ADAT2: variants seen among roughly 807,000 people sequenced by gnomAD.
The protein encoded by ADAT2 is tRNA-specific adenosine-34 deaminase catalytic subunit ADAT2.
Under a neutral mutation model 25.9 loss-of-function variants are expected in ADAT2, and 26 were observed. The ratio of observed to expected loss-of-function variants is 1.00; its 90% CI spans 0.74 to 1.39. The LOEUF is 1.39. ADAT2 is among the 40% of genes most tolerant of loss of function. The pLI is 0.00. For missense variants in ADAT2, 220 were observed against 244.8 expected (o/e 0.90, Z 0.68); for synonymous variants, 76 against 86.8 (o/e 0.88, Z 0.69).
In ADAT2 at chr6:143,434,397, C is replaced by G. The variant is rs1779206324; in HGVS notation, c.202-416G>C. Among the ~76,000 whole-genome samples the G allele has an allele frequency of 6.6e-6, 1 of 152,228 alleles. No homozygotes were observed. The highest frequency in any genetic ancestry group is 2.4e-5 in the African/African-American group (1 of 41,456). ...TTTCAAGGCTGTCACTGACCTCACT[C>G]CAAGCAAATCTACATTAAGTTCACT... On this transcript the variant is annotated intron_variant, in intron 2 of 5. Coordinates refer to ENST00000237283, the MANE Select transcript of ADAT2 (RefSeq NM_182503.3). The surrounding 1 kb of genome is among the most constrained non-coding windows in gnomAD (Gnocchi z 4.5).
intron 2 of ADAT2, among the ~76,000 whole-genome samples, chr6:143,435,699 A>T (rs1226892509): frequency 6.6e-6 from 1 of 152,214 alleles, no homozygotes; most frequent in Non-Finnish European, 1.5e-5. Context: ...TACTTATCTC[A>T]TGTTTTAATA....
In ADAT2 at chr6:143,446,897, A is replaced by G. The variant is rs1779616049; in HGVS notation, c.96+3666T>C. On this transcript the variant is annotated intron_variant, in intron 1 of 5. Transcript: ENST00000237283. This position sits in a 1 kb window ranked among gnomAD's most constrained non-coding sequence, Gnocchi z 5.0. Reference sequence around the variant, plus strand: ...ATGAAAACACTGTGCATAGCATAGTATCTGGAACACACCAAGAGTGCAACA... The same window carrying G: ...ATGAAAACACTGTGCATAGCATAGTGTCTGGAACACACCAAGAGTGCAACA... Among the ~76,000 whole-genome samples, 1 of 152,248 alleles carries G rather than the reference A, an allele frequency of 6.6e-6. No homozygotes were observed. Among genetic ancestry groups the G allele is most frequent in the Non-Finnish European group, 1.5e-5 (1 of 68,036 alleles).
In ADAT2 at chr6:143,436,049, CTG is replaced by C. The variant is rs1311729416; in HGVS notation, c.202-2070_202-2069del. Among the ~76,000 whole-genome samples the C allele has an allele frequency of 1.3e-5, 2 of 152,050 alleles. No homozygotes were observed. Among genetic ancestry groups the C allele is most frequent in the African/African-American group, 4.8e-5 (2 of 41,388 alleles). ...GCACATGTGAGTTAAAATTAAAAGA[CTG>C]TATATATTTGTATATTGTTACATGA... On this transcript the variant is annotated intron_variant, in intron 2 of 5. Transcript: ENST00000237283. This position sits in a 1 kb window ranked among gnomAD's most constrained non-coding sequence, Gnocchi z 4.1.
Position 143,433,974 on chromosome 6 carries a change from C to T in ADAT2, c.209G>A (p.Arg70Gln), listed in dbSNP as rs371702532. Residue 70 changes from arginine (R) to glutamine (Q), a missense_variant, in exon 3 of 6, where the codon CGA (arginine) becomes CAA (glutamine). Transcript: ENST00000237283. Reference sequence around the variant, plus strand: ...ATCGATGGCCACCATTTCTGCATGTCGAGTAGCCTGAAAAGAGAAAGGGGC... The same window carrying T: ...ATCGATGGCCACCATTTCTGCATGTTGAGTAGCCTGAAAAGAGAAAGGGGC... ...NEVNQTKNAT[R>Q]HAEMVAIDQV... is the part of the protein sequence containing the mutation. 4 of 1,613,932 alleles carry T rather than the reference C, an allele frequency of 2.5e-6. No homozygotes were observed. The highest frequency in any genetic ancestry group is 3.3e-5 in the Admixed American group (2 of 60,024).
At chr6:143,443,217 A>C (rs971025169) in intron 1 of ADAT2, among the ~76,000 whole-genome samples, 24 of 152,268 alleles carry the variant, frequency 1.6e-4, no homozygotes, top group Middle Eastern at 3.4e-3. Flanking sequence ...GGGCATAGAC[A>C]ACCTGGCTCC....
In ADAT2 at chr6:143,434,536, G is replaced by C. The variant is rs1188223630; in HGVS notation, c.202-555C>G. 6.6e-6 allele frequency among the ~76,000 whole-genome samples: 1 copy of C among 152,188 alleles called. No individual in the cohort carries two copies. The highest frequency in any genetic ancestry group is 2.4e-5 in the African/African-American group (1 of 41,462). Reference sequence around the variant, plus strand: ...CTTCATGGGAAGCAGTAGAGGATAGGAGAAATCACATAGCATGTGGAAGTG... The same window carrying C: ...CTTCATGGGAAGCAGTAGAGGATAGCAGAAATCACATAGCATGTGGAAGTG... On this transcript the variant is annotated intron_variant, in intron 2 of 5. Coordinates refer to ENST00000237283, the MANE Select transcript of ADAT2 (RefSeq NM_182503.3). This position sits in a 1 kb window ranked among gnomAD's most constrained non-coding sequence, Gnocchi z 4.5.
In ADAT2 at chr6:143,432,870, GGCTCT is replaced by G. The variant is rs1242224762; in HGVS notation, c.353-264_353-260del. 6.6e-6 allele frequency among the ~76,000 whole-genome samples: 1 copy of G among 152,162 alleles called. No homozygotes were observed. Among genetic ancestry groups the G allele is most frequent in the Non-Finnish European group, 1.5e-5 (1 of 68,032 alleles). ...TGTTTGCTTAAAGTTCACAGTTCAG[GGCTCT>G]CTCTGCTCTTTCCTAAATCACTTTT... is the stretch of plus-strand genomic sequence containing the variant. On this transcript the variant is annotated intron_variant, in intron 3 of 5. Transcript: ENST00000237283. This position sits in a 1 kb window ranked among gnomAD's most constrained non-coding sequence, Gnocchi z 4.4.
chr6:143,429,108 T>C (rs575167554), intron 4 of ADAT2, among the ~76,000 whole-genome samples: 4 of 152,364 alleles, frequency 2.6e-5, no homozygotes, highest in Non-Finnish European at 5.9e-5. Flanking sequence ...GTTATTTTTA[T>C]CTGCTCCTAT....
chr6:143,438,988 A>T (rs904570724), intron 1 of ADAT2, among the ~76,000 whole-genome samples: 5 of 152,200 alleles, frequency 3.3e-5, no homozygotes, highest in African/African-American at 1.2e-4. Flanking sequence ...CTGTTCTTGA[A>T]GTGCCAGGGT....
At chr6:143,439,075 A>G (rs1779379686) in intron 1 of ADAT2, among the ~76,000 whole-genome samples, 1 of 152,150 alleles carries the variant, frequency 6.6e-6, no homozygotes, top group Non-Finnish European at 1.5e-5. Context: ...ATCCTTTATT[A>G]CAATCCTTTC....
chr6:143,425,375 A>G lies in ADAT2; in HGVS notation c.*3088T>C. 1 of 149,466 alleles carries G rather than the reference A, an allele frequency of 6.7e-6. No homozygotes were observed. The highest frequency in any genetic ancestry group is 1.4e-5 in the Non-Finnish European group (1 of 70,392). The allele number at this position is 149,466 out of a possible 1,614,324, so 9.3% of individuals were successfully genotyped here. A position where few individuals can be genotyped will look rare whatever the true frequency, so the allele number is the denominator to read the frequency against. On this transcript the variant is annotated 3_prime_UTR_variant, in exon 6 of 6. Coordinates refer to ENST00000237283, the MANE Select transcript of ADAT2 (RefSeq NM_182503.3). ...ACAAAAAAAAAAAAAAAAAAAAATT[A>G]GGTGTGGTGACATGAGTCTGTGGTC... is the stretch of plus-strand genomic sequence containing the variant.
rs2128743105 is a variant in ADAT2, at chr6:143,442,706, A to G, written c.97-4012T>C. On this transcript the variant is annotated intron_variant, in intron 1 of 5. Coordinates refer to ENST00000237283, the MANE Select transcript of ADAT2 (RefSeq NM_182503.3). This position sits in a 1 kb window ranked among gnomAD's most constrained non-coding sequence, Gnocchi z 4.6. ...TCAAAATGAAAGTTAAAAAATAAGTACAGGTAAACAAAAAGGATTTTGCAA... is the reference window on the plus strand; with the variant it reads ...TCAAAATGAAAGTTAAAAAATAAGTGCAGGTAAACAAAAAGGATTTTGCAA... 6.6e-6 allele frequency among the ~76,000 whole-genome samples: 1 copy of G among 152,360 alleles called. No individual in the cohort carries two copies. The highest frequency in any genetic ancestry group is 2.1e-4 in the South Asian group (1 of 4,824).
At position 143,423,553 on chromosome 6, in the gene ADAT2, C is replaced by T. The variant is rs957637134; in HGVS notation, c.*4910G>A. 6.6e-6 allele frequency: 1 copy of T among 152,154 alleles called. No individual in the cohort carries two copies. Among genetic ancestry groups the T allele is most frequent in the Non-Finnish European group, 1.5e-5 (1 of 68,026 alleles). 9.4% of individuals were successfully genotyped at this position (152,154 alleles called of 1,614,324 possible). A position where few individuals can be genotyped will look rare whatever the true frequency, so the allele number is the denominator to read the frequency against. On this transcript the variant is annotated 3_prime_UTR_variant, in exon 6 of 6. Coordinates refer to ENST00000237283, the MANE Select transcript of ADAT2 (RefSeq NM_182503.3). ...GTAAGGAAGACTTAATTCAGGACTACAGTGATAGGTTTTAAAACTATCGCA... is the reference window on the plus strand; with the variant it reads ...GTAAGGAAGACTTAATTCAGGACTATAGTGATAGGTTTTAAAACTATCGCA...
intron 1 of ADAT2, among the ~76,000 whole-genome samples, chr6:143,448,800 G>C (rs952596652): frequency 2.0e-5 from 3 of 151,868 alleles, no homozygotes; most frequent in African/African-American, 7.3e-5. Flanking sequence ...CCGGGCCCAG[G>C]AGTTCAAGAC....
chr6:143,436,559 AC>A lies in ADAT2; in HGVS notation c.201+2030del. The A allele has an allele frequency of 2.4e-6, 1 of 411,054 alleles. No individual in the cohort carries two copies. The allele number at this position is 411,054 out of a possible 1,614,324, so 25.5% of individuals were successfully genotyped here. On this transcript the variant is annotated intron_variant, in intron 2 of 5. Transcript: ENST00000237283. The surrounding 1 kb of genome is among the most constrained non-coding windows in gnomAD (Gnocchi z 4.1). ...ATGTTCAGGTGCAAGGCCTTCCTGC[AC>A]TGGTACATGGGCGAGGGCAAGAATG...
rs1779204830 is a variant in ADAT2 at position 143,434,359 on chromosome 6, G to A, written c.202-378C>T. Among the ~76,000 whole-genome samples, 1 of 152,188 alleles carries A rather than the reference G, an allele frequency of 6.6e-6. No individual in the cohort carries two copies. Among genetic ancestry groups the A allele is most frequent in the South Asian group, 2.1e-4 (1 of 4,828 alleles). On this transcript the variant is annotated intron_variant, in intron 2 of 5. Coordinates refer to ENST00000237283, the MANE Select transcript of ADAT2 (RefSeq NM_182503.3). This position sits in a 1 kb window ranked among gnomAD's most constrained non-coding sequence, Gnocchi z 4.5. Reference sequence around the variant, plus strand: ...AAAATTTTCATAAGCTTGTGCTCTAGTTTCAAATATATTTTCAAGGCTGTC... The same window carrying A: ...AAAATTTTCATAAGCTTGTGCTCTAATTTCAAATATATTTTCAAGGCTGTC...
rs1189796375 is a variant in ADAT2 at position 143,423,067 on chromosome 6, G to A, written c.*5396C>T. The A allele has an allele frequency of 1.3e-5, 2 of 152,082 alleles. No individual in the cohort carries two copies. Among genetic ancestry groups the A allele is most frequent in the Non-Finnish European group, 2.9e-5 (2 of 68,022 alleles). 9.4% of individuals were successfully genotyped at this position (152,082 alleles called of 1,614,324 possible). The stretch of plus-strand genomic sequence containing the variant: ...AGCTGTACAATGAGCCACATCATTC[G>A]GTTCCAATCACAGAATTTGAACAAG... On this transcript the variant is annotated 3_prime_UTR_variant, in exon 6 of 6. Transcript: ENST00000237283.
exon 1 of ADAT2, chr6:143,450,694 AGGAGGAGCGCGGGCAGC>A (rs1301669562): frequency 6.2e-6 from 10 of 1,604,784 alleles, no homozygotes; most frequent in Non-Finnish European, 8.5e-6. Flanking sequence ...CCCGCGGCAG[AGGAGGAGCGCGGGCAGC>A]GGAACGCGGC....
chr6:143,433,448 A>AG (rs1486758118), intron 3 of ADAT2, among the ~76,000 whole-genome samples: 3 of 152,216 alleles, frequency 2.0e-5, no homozygotes, highest in Non-Finnish European at 4.4e-5. Flanking sequence ...AGATAAACAG[A>AG]GAAAAAAAAA....
Sources: gnomAD v4.1 joint callset for allele counts (sites outside exome capture counted in the v4.1 genomes callset) on GRCh38, gnomAD v4.1.1 for gene constraint, Gnocchi (gnomAD v3.1) non-coding constraint, MANE v1.5 for transcripts, NCBI Gene and HGNC (gene_info 2026-07-23, HGNC 2026-07-21) for gene names.